CSN2: variants seen among roughly 807,000 people sequenced by gnomAD.
The protein encoded by CSN2 is casein beta, also known as beta-casein.
In CSN2, 27 loss-of-function variants were observed where a neutral mutation model predicts 27.3. The ratio of observed to expected loss-of-function variants is 0.99; its 90% CI spans 0.73 to 1.36. CSN2 has a LOEUF of 1.36. Among genes scored for constraint, CSN2 ranks in the 40% most tolerant of loss-of-function variants. The probability of loss-of-function intolerance (pLI) is 0.00; values close to 1 mark genes in which losing one functional copy is unlikely to be tolerated. For missense variants in CSN2, 333 were observed against 264.5 expected (o/e 1.26, Z -1.80); for synonymous variants, 131 against 94.8 (o/e 1.38, Z -2.22).
chr4:69,963,740 A>C (rs1023797839), intron 1 of CSN2, among the ~76,000 whole-genome samples: 1 of 152,184 alleles, frequency 6.6e-6, no homozygotes, highest in Non-Finnish European at 1.5e-5. Flanking sequence ...GTATAATAAT[A>C]ATAATTTCAA....
intron 2 of CSN2, among the ~76,000 whole-genome samples, chr4:69,960,366 T>C (rs1723533925): frequency 6.6e-6 from 1 of 151,802 alleles, no homozygotes; most frequent in East Asian, 1.9e-4. Flanking sequence ...ATTACTTTAA[T>C]GTCTTTTATA....
intron 2 of CSN2, among the ~76,000 whole-genome samples, chr4:69,960,481 T>C (rs1723538763): frequency 6.6e-6 from 1 of 150,684 alleles, no homozygotes; most frequent in Non-Finnish European, 1.5e-5. Flanking sequence ...TTTTATTATA[T>C]TATTATTAAT....
Position 69,960,927 on chromosome 4 carries a change from T to G in CSN2, c.51+18A>C. On this transcript the variant is annotated intron_variant, in intron 2 of 7. Coordinates refer to ENST00000353151, the MANE Select transcript of CSN2 (RefSeq NM_001891.4). ...CACTATTTATTGATTGTTTAGGAAT[T>G]TTTTCTTGTGCACATACCTCCCTTG... The G allele has an allele frequency of 6.2e-7, 1 of 1,611,026 alleles. No homozygotes were observed. The highest frequency in any genetic ancestry group is 8.5e-7 in the Non-Finnish European group (1 of 1,177,686).
intron 1 of CSN2, among the ~76,000 whole-genome samples, chr4:69,962,511 C>A (rs1228145089): frequency 6.6e-6 from 1 of 151,898 alleles, no homozygotes; most frequent in East Asian, 1.9e-4. Flanking sequence ...ATAAATGGTG[C>A]TGGGAAAACT....
At chr4:69,956,671 T>C (rs1723407217) in intron 6 of CSN2, among the ~76,000 whole-genome samples, 1 of 152,170 alleles carries the variant, frequency 6.6e-6, no homozygotes, top group South Asian at 2.1e-4. Flanking sequence ...ACAAGGAAAA[T>C]GACAGAACAT....
At chr4:69,961,602 T>A (rs948951496) in intron 1 of CSN2, among the ~76,000 whole-genome samples, 5 of 152,140 alleles carry the variant, frequency 3.3e-5, no homozygotes, top group Admixed American at 6.6e-5. Context: ...AAGAGCTATC[T>A]ATGACAAACC....
At chr4:69,957,124 G>T in intron 6 of CSN2, 150 bp downstream of exon 6, 1 of 795,712 alleles carries the variant, frequency 1.3e-6, no homozygotes, top group Non-Finnish European at 1.9e-6. Context: ...TGCATGTTGT[G>T]CACATGTACC....
At chr4:69,963,621 G>A (rs1421053967) in intron 1 of CSN2, among the ~76,000 whole-genome samples, 1 of 152,082 alleles carries the variant, frequency 6.6e-6, no homozygotes, top group South Asian at 2.1e-4. Context: ...AGCATTAGGA[G>A]ATATACCTAA....
At chr4:69,961,052 G>C in intron 1 of CSN2, 45 bp from the exon 2 acceptor site, 1 of 1,387,090 alleles carries the variant, frequency 7.2e-7, no homozygotes, top group Non-Finnish European at 1.0e-6. Context: ...TGGTCAATTG[G>C]ATATACTTTC....
chr4:69,960,139 AT>A, intron 2 of CSN2, 60 bp from the exon 3 acceptor site: 2 of 1,464,304 alleles, frequency 1.4e-6, no homozygotes, highest in South Asian at 1.2e-5. Context: ...GAATTTTACT[AT>A]TTTATGGTTC....
At chr4:69,962,828 T>C (rs201235414) in intron 1 of CSN2, among the ~76,000 whole-genome samples, 7 of 152,056 alleles carry the variant, frequency 4.6e-5, no homozygotes, top group Admixed American at 4.6e-4. Context: ...ATTTTTGCAA[T>C]CTACTCATCT....
Position 69,960,057 on chromosome 4 carries a change from C to G in CSN2, c.74G>C (p.Ser25Thr). The G allele has an allele frequency of 1.2e-6, 2 of 1,611,724 alleles. No homozygotes were observed. Among genetic ancestry groups the G allele is most frequent in the Non-Finnish European group, 1.7e-6 (2 of 1,178,598 alleles). ...TTGGGTAGAATGTTAACTTACCTCA[C>G]TGCTTGAAAGGCTTTCTATGGTCTG... Reference protein sequence around the residue: ...ARETIESLSSSEESITEYKQK... With the variant: ...ARETIESLSSTEESITEYKQK... Residue 25 changes from serine to threonine, a missense_variant, in exon 3 of 8, where the codon AGT becomes ACT. Ser to Thr is a moderately conservative substitution (Grantham distance 58). Coordinates refer to ENST00000353151, the MANE Select transcript of CSN2 (RefSeq NM_001891.4).
intron 2 of CSN2, 72 bp downstream of exon 2, chr4:69,960,873 T>C: frequency 4.3e-6 from 5 of 1,165,196 alleles, no homozygotes; most frequent in Non-Finnish European, 6.4e-6. Context: ...ATGTTGGTGA[T>C]GTTATTCTCT....
intron 1 of CSN2, among the ~76,000 whole-genome samples, chr4:69,964,760 T>C (rs1412045305): frequency 1.3e-5 from 2 of 149,662 alleles, no homozygotes; most frequent in Admixed American, 1.3e-4. Flanking sequence ...ACTAATCTAC[T>C]AATATATATA....
chr4:69,960,865 G>A, intron 2 of CSN2, 80 bp downstream of exon 2: 1 of 1,086,442 alleles, frequency 9.2e-7, no homozygotes. Flanking sequence ...AGTAAAAAAT[G>A]TTGGTGATGT....
At chr4:69,956,420 T>C in intron 6 of CSN2, 65 bp from the exon 7 acceptor site, 1 of 1,227,906 alleles carries the variant, frequency 8.1e-7, no homozygotes. Flanking sequence ...CTTAAGAATG[T>C]TGTAAGTAGT....
intron 1 of CSN2, among the ~76,000 whole-genome samples, chr4:69,963,843 C>G (rs1296937424): frequency 1.3e-5 from 2 of 152,090 alleles, no homozygotes; most frequent in African/African-American, 4.8e-5. Flanking sequence ...GGGACCAGGA[C>G]CGCAGCAATG....
At chr4:69,956,431 G>A in intron 6 of CSN2, 76 bp from the exon 7 acceptor site, 1 of 1,163,884 alleles carries the variant, frequency 8.6e-7, no homozygotes, top group Non-Finnish European at 1.1e-6. Flanking sequence ...TGTAAGTAGT[G>A]AAATAAGCAT....
rs1299744642 is a variant in CSN2 at position 69,958,804 on chromosome 4, T to G, written c.144+105A>C. The G allele has an allele frequency of 5.3e-6, 4 of 753,398 alleles. No homozygotes were observed. In the East Asian group the frequency reaches 1.2e-4, roughly 22 times the overall value. The allele number at this position is 753,398 out of a possible 1,614,324, so 46.7% of individuals were successfully genotyped here. On this transcript the variant is annotated intron_variant, in intron 5 of 7. Coordinates refer to ENST00000353151, the MANE Select transcript of CSN2 (RefSeq NM_001891.4). ...AAAGTGGTTGGTGGGTATATGGCAT[T>G]TATTTTATTATCATTCTTTAGAATC...
Sources: allele counts gnomAD v4.1 joint callset (sites outside exome capture counted in the v4.1 genomes callset), GRCh38; gene constraint gnomAD v4.1.1; transcripts MANE v1.5; gene names NCBI Gene and HGNC (gene_info 2026-07-23, HGNC 2026-07-21).